Variants in AJAP1 observed in about 807,000 individuals in gnomAD.
AJAP1 encodes adherens junction-associated protein 1.
AJAP1 carries 5 observed loss-of-function variants against 35.0 expected under a neutral mutation model. The ratio of observed to expected loss-of-function variants is 0.14; its 90% CI spans 0.07 to 0.30. AJAP1 has a LOEUF of 0.30. Among genes scored for constraint, AJAP1 ranks in the 10% least tolerant of loss-of-function variants. AJAP1 has a pLI of 1.00. For synonymous variants in AJAP1, 284 were observed against 249.3 expected (o/e 1.14, Z -1.31); for missense variants, 586 against 571.0 (o/e 1.03, Z -0.27).
intron 1 of AJAP1, among the ~76,000 whole-genome samples, chr1:4,677,525 T>TGATGCC (rs1639388075): frequency 6.6e-6 from 1 of 151,816 alleles, no homozygotes; most frequent in Admixed American, 6.6e-5. Context: ...ATTCCACCTC[T>TGATGCC]CTCTGGGTCC....
chr1:4,657,451 G>T (rs1418290000), intron 1 of AJAP1, among the ~76,000 whole-genome samples: 1 of 152,160 alleles, frequency 6.6e-6, no homozygotes, highest in East Asian at 1.9e-4. Context: ...AGAGGGTCTG[G>T]GTGGTTTTGC....
intron 2 of AJAP1, among the ~76,000 whole-genome samples, chr1:4,721,473 C>T (rs571616033): frequency 1.3e-4 from 20 of 152,328 alleles, no homozygotes; most frequent in African/African-American, 3.4e-4. Flanking sequence ...ACAGGCTGGA[C>T]GGAAGAGTCG....
chr1:4,683,331 A>G (rs1048642376), intron 1 of AJAP1, among the ~76,000 whole-genome samples: 1 of 152,228 alleles, frequency 6.6e-6, no homozygotes, highest in East Asian at 1.9e-4. Flanking sequence ...CAGAATCAGC[A>G]TCCCTGGAAG....
chr1:4,732,577 C>T (rs753446373), intron 2 of AJAP1, among the ~76,000 whole-genome samples: 1 of 152,272 alleles, frequency 6.6e-6, no homozygotes, highest in Non-Finnish European at 1.5e-5. Context: ...TACAGACAGC[C>T]TCTCAGTGCT....
At chr1:4,674,561 A>AG (rs1280716665) in intron 1 of AJAP1, among the ~76,000 whole-genome samples, 1 of 152,156 alleles carries the variant, frequency 6.6e-6, no homozygotes, top group African/African-American at 2.4e-5. Flanking sequence ...AGAAATACGG[A>AG]GGGGGCTTTC....
At chr1:4,763,577 A>T (rs1641618124) in intron 2 of AJAP1, among the ~76,000 whole-genome samples, 1 of 152,170 alleles carries the variant, frequency 6.6e-6, no homozygotes, top group African/African-American at 2.4e-5. Context: ...TGTTTCTGGA[A>T]GAGATTGGCA....
chr1:4,764,098 T>A (rs1641629961), intron 2 of AJAP1, among the ~76,000 whole-genome samples: 1 of 152,148 alleles, frequency 6.6e-6, no homozygotes, highest in African/African-American at 2.4e-5. Context: ...CTCCAGCTTG[T>A]AGACAGAAGA....
chr1:4,768,169 T>C (rs1387865056), intron 2 of AJAP1, among the ~76,000 whole-genome samples: 2 of 152,212 alleles, frequency 1.3e-5, no homozygotes, highest in Admixed American at 6.5e-5. Flanking sequence ...GCAGCACCTT[T>C]ATTCAGGGGG....
chr1:4,762,077 T>G (rs1440296901), intron 2 of AJAP1, among the ~76,000 whole-genome samples: 1 of 152,194 alleles, frequency 6.6e-6, no homozygotes, highest in Non-Finnish European at 1.5e-5. Context: ...TTATACATAA[T>G]CTTCAGATAA....
At chr1:4,712,743 G>A in intron 2 of AJAP1, 44 bp downstream of exon 2, 2 of 1,487,228 alleles carry the variant, frequency 1.3e-6, no homozygotes, top group Admixed American at 2.4e-5. Context: ...TGGGGTTGAG[G>A]GCTGGGAGCG....
intron 1 of AJAP1, among the ~76,000 whole-genome samples, chr1:4,661,210 T>G (rs1321736519): frequency 6.6e-6 from 1 of 152,180 alleles, no homozygotes. Context: ...TCTGTGAACT[T>G]CTGAGATATC....
chr1:4,766,223 T>TG (rs1283445465), intron 2 of AJAP1, among the ~76,000 whole-genome samples: 3 of 152,046 alleles, frequency 2.0e-5, no homozygotes, highest in Non-Finnish European at 4.4e-5. Context: ...CTGCTTTTTT[T>TG]GCTACAATGG....
In AJAP1 at chr1:4,655,407, C is replaced by G. The variant is rs765748312; in HGVS notation, c.-19C>G. Reference sequence around the variant, plus strand: ...CCTGGGCGAGCCAGGTCTGAGGCCCCGCTCCCCGAAACGTGACCATGTGGA... The same window carrying G: ...CCTGGGCGAGCCAGGTCTGAGGCCCGGCTCCCCGAAACGTGACCATGTGGA... On this transcript the variant is annotated 5_prime_UTR_variant, in exon 1 of 6. Transcript: ENST00000378191. The surrounding 1 kb of genome is among the most constrained non-coding windows in gnomAD (Gnocchi z 6.9). The G allele has an allele frequency of 1.3e-6, 2 of 1,558,290 alleles. No individual in the cohort carries two copies. Among genetic ancestry groups the G allele is most frequent in the Admixed American group, 3.7e-5 (2 of 54,520 alleles).
intron 2 of AJAP1, among the ~76,000 whole-genome samples, chr1:4,738,332 C>T (rs932795570): frequency 2.0e-5 from 3 of 152,336 alleles, no homozygotes; most frequent in African/African-American, 7.2e-5. Context: ...CAGACTGAGT[C>T]AATACACAAG....
chr1:4,759,607 G>A (rs523141), intron 2 of AJAP1, among the ~76,000 whole-genome samples: 108,834 of 151,974 alleles, frequency 0.72, 39,648 homozygotes, highest in Middle Eastern at 0.76. Flanking sequence ...GGGGCCTCTG[G>A]ACTGGGTGCC....
intron 1 of AJAP1, among the ~76,000 whole-genome samples, chr1:4,702,416 G>A (rs1036020427): frequency 6.6e-6 from 1 of 152,194 alleles, no homozygotes; most frequent in African/African-American, 2.4e-5. Context: ...CCGATCCACC[G>A]GTTCCCAAGA....
At chr1:4,675,829 G>T (rs749284923) in intron 1 of AJAP1, among the ~76,000 whole-genome samples, 4 of 152,224 alleles carry the variant, frequency 2.6e-5, no homozygotes, top group African/African-American at 7.2e-5. Flanking sequence ...AGTTAAACCT[G>T]CCCTGAAGAT....
In AJAP1 at chr1:4,734,776, G is replaced by A. The variant is rs1013373350; in HGVS notation, c.829+22077G>A. ...CAGCACCCAAGAGGGGTCAGTGATG[G>A]TGGCAGGGCCAAGGCTCTCACCTTC... is the stretch of plus-strand genomic sequence containing the variant. On this transcript the variant is annotated intron_variant, in intron 2 of 5. Transcript: ENST00000378191. This position sits in a 1 kb window ranked among gnomAD's most constrained non-coding sequence, Gnocchi z 4.3. Among the ~76,000 whole-genome samples, 1 of 152,162 alleles carries A rather than the reference G, an allele frequency of 6.6e-6. No homozygotes were observed. The highest frequency in any genetic ancestry group is 6.5e-5 in the Admixed American group (1 of 15,280).
chr1:4,746,687 C>G (rs1422567807), intron 2 of AJAP1, among the ~76,000 whole-genome samples: 1 of 152,248 alleles, frequency 6.6e-6, no homozygotes, highest in African/African-American at 2.4e-5. Flanking sequence ...GTACAAACAA[C>G]TGCTATTGAA....
Sources: allele counts gnomAD v4.1 joint callset (sites outside exome capture counted in the v4.1 genomes callset), GRCh38; gene constraint gnomAD v4.1.1; non-coding constraint Gnocchi (gnomAD v3.1); transcripts MANE v1.5; gene names NCBI Gene and HGNC (gene_info 2026-07-23, HGNC 2026-07-21).